EXO1: variants seen among roughly 807,000 people sequenced by gnomAD.
The protein encoded by EXO1 is exonuclease 1.
A neutral mutation model predicts 84.5 loss-of-function variants in EXO1; 69 were observed. The observed-to-expected ratio is 0.82, with a 90% CI of 0.67 to 1.00. The LOEUF is 1.00. EXO1 is among the 50% of genes least tolerant of loss of function. The pLI, the probability that EXO1 is intolerant of heterozygous loss-of-function variation, is 0.00. For missense variants in EXO1, 1,045 were observed against 1,000.7 expected, an observed-to-expected ratio of 1.04 and a Z score of -0.60; for synonymous variants, 373 against 366.1, an observed-to-expected ratio of 1.02 and a Z score of -0.21.
chr1:241,863,562 TGA>T (rs1661523640), intron 10 of EXO1, among the ~76,000 whole-genome samples: 1 of 151,772 alleles, frequency 6.6e-6, no homozygotes, highest in African/African-American at 2.4e-5. Flanking sequence ...CTGGAAAAGA[TGA>T]CCACTAACAA....
chr1:241,886,834 G>A (rs897864637), intron 15 of EXO1, among the ~76,000 whole-genome samples: 2 of 151,680 alleles, frequency 1.3e-5, no homozygotes, highest in South Asian at 2.1e-4. Flanking sequence ...AAGAAAAGTG[G>A]CATGGCTTTA....
intron 12 of EXO1, among the ~76,000 whole-genome samples, chr1:241,874,369 G>T (rs1200830438): frequency 6.6e-6 from 1 of 152,126 alleles, no homozygotes; most frequent in African/African-American, 2.4e-5. Context: ...GTCCAGCCAG[G>T]GTGAGACAGT....
At chr1:241,852,479 A>G in intron 5 of EXO1, 68 bp downstream of exon 5, 1 of 1,446,856 alleles carries the variant, frequency 6.9e-7, no homozygotes, top group Non-Finnish European at 9.6e-7. Flanking sequence ...TCTATATGAT[A>G]CCAATTTTTA....
At chr1:241,850,345 A>G (rs1660591420) in intron 3 of EXO1, 64 bp from the exon 4 acceptor site, 1 of 1,121,834 alleles carries the variant, frequency 8.9e-7, no homozygotes, top group Admixed American at 1.7e-5. Context: ...CATTTGTCTA[A>G]GATGTTTTAA....
At chr1:241,882,770 AAT>A (rs1452165172) in intron 14 of EXO1, among the ~76,000 whole-genome samples, 13 of 152,134 alleles carry the variant, frequency 8.5e-5, no homozygotes, top group Admixed American at 5.9e-4. Flanking sequence ...AAAATAATAA[AAT>A]AGTTTCTTGC....
In EXO1 at chr1:241,850,541, C is replaced by T; in HGVS notation, c.116C>T (p.Ala39Val). The T allele has an allele frequency of 6.2e-7, 1 of 1,613,980 alleles. No homozygotes were observed. Among genetic ancestry groups the T allele is most frequent in the Non-Finnish European group, 8.5e-7 (1 of 1,179,910 alleles). Residue 39 changes from alanine to valine, a missense_variant, in exon 4 of 16, where the codon GCT becomes GTT. Coordinates refer to ENST00000366548, the MANE Select transcript of EXO1 (RefSeq NM_130398.4). The part of the protein sequence containing the change: ...VDTYCWLHKG[A>V]IACAEKLAKG... ...ACATATTGCTGGCTTCACAAAGGAGCTATTGCTTGTGCTGAAAAACTAGCC... is the reference window on the plus strand; with the variant it reads ...ACATATTGCTGGCTTCACAAAGGAGTTATTGCTTGTGCTGAAAAACTAGCC...
chr1:241,872,662 T>C (rs1662183155), intron 12 of EXO1, among the ~76,000 whole-genome samples: 1 of 152,196 alleles, frequency 6.6e-6, no homozygotes, highest in African/African-American at 2.4e-5. Flanking sequence ...GCCTCATCCA[T>C]GTCCCTGCAA....
intron 14 of EXO1, among the ~76,000 whole-genome samples, chr1:241,884,677 G>A (rs1662951362): frequency 6.7e-6 from 1 of 149,158 alleles, no homozygotes. Flanking sequence ...GTGTGTGTGT[G>A]CACGTGCACG....
intron 10 of EXO1, among the ~76,000 whole-genome samples, chr1:241,864,741 C>T (rs1661609380): frequency 6.6e-6 from 1 of 152,174 alleles, no homozygotes; most frequent in African/African-American, 2.4e-5. Context: ...TTAGAAGTCA[C>T]AGATTATCTC....
intron 6 of EXO1, among the ~76,000 whole-genome samples, chr1:241,856,910 G>A (rs1661080410): frequency 6.6e-6 from 1 of 152,166 alleles, no homozygotes; most frequent in South Asian, 2.1e-4. Flanking sequence ...GCATGCACCT[G>A]TAGTCCCACC....
At chr1:241,866,131 A>C (rs1661708391) in intron 10 of EXO1, among the ~76,000 whole-genome samples, 1 of 152,166 alleles carries the variant, frequency 6.6e-6, no homozygotes, top group Non-Finnish European at 1.5e-5. Flanking sequence ...TTAGCATTAA[A>C]AGTGATTGCT....
At chr1:241,858,798 A>G in intron 8 of EXO1, 80 bp downstream of exon 8, 1 of 955,170 alleles carries the variant, frequency 1.0e-6, no homozygotes, top group South Asian at 1.4e-5. Flanking sequence ...TATGGATTTA[A>G]ATATTCTGTT....
chr1:241,850,836 CTTTTTTTTT>C (rs10641736), intron 4 of EXO1, among the ~76,000 whole-genome samples: 4 of 105,088 alleles, frequency 3.8e-5, no homozygotes, highest in Non-Finnish European at 7.2e-5. Context: ...CTCCTTTATT[CTTTTTTTTT>C]TTTTTTTTTT....
chr1:241,885,400 G>A lies in EXO1; in HGVS notation c.2298G>A (p.Leu766=). The A allele has an allele frequency of 6.2e-7, 1 of 1,613,872 alleles. No individual in the cohort carries two copies. Among genetic ancestry groups the A allele is most frequent in the East Asian group, 2.2e-5 (1 of 44,858 alleles). ...TAGGACCTGCCAGAGCCAGTGGGCT[G>A]AGCAAGAAGCCGGCAAGCATCCAGA... The part of the protein sequence containing the change: ...KPLGPARASG[L]SKKPASIQKR... The change falls in exon 15 of 16, where the codon CTG becomes CTA. Residue 766 remains leucine (L), a synonymous_variant. Coordinates refer to ENST00000366548, the MANE Select transcript of EXO1 (RefSeq NM_130398.4).
intron 12 of EXO1, among the ~76,000 whole-genome samples, chr1:241,875,792 C>T (rs1336004655): frequency 1.3e-5 from 2 of 152,180 alleles, no homozygotes; most frequent in African/African-American, 4.8e-5. Flanking sequence ...GCAGGAGAAT[C>T]GCTTGAACCC....
At chr1:241,872,526 C>G in intron 12 of EXO1, among the ~76,000 whole-genome samples, 1 of 152,044 alleles carries the variant, frequency 6.6e-6, no homozygotes, top group Non-Finnish European at 1.5e-5. Context: ...TGCCACAGGC[C>G]GGGGTGTGTG....
chr1:241,885,681 T>G, intron 15 of EXO1, 174 bp downstream of exon 15: 2 of 623,174 alleles, frequency 3.2e-6, no homozygotes, highest in East Asian at 3.1e-5. Context: ...TCAATTTCTA[T>G]ACCTTCTTTT....
At position 241,873,696 on chromosome 1, in the gene EXO1, A is replaced by G. The variant is rs191784594; in HGVS notation, c.1514+1418A>G. 7.9e-4 allele frequency among the ~76,000 whole-genome samples: 121 copies of G among 152,352 alleles called. 1 individual carries two copies. Among genetic ancestry groups the G allele is most frequent in the Middle Eastern group, 3.4e-3 (1 of 294 alleles). ...GTAGTCCAGTTGGAAAAATAAATACATAAAAATCTTTCCATACAGTATGGT... is the reference window on the plus strand; with the variant it reads ...GTAGTCCAGTTGGAAAAATAAATACGTAAAAATCTTTCCATACAGTATGGT... On this transcript the variant is annotated intron_variant, in intron 12 of 15. Coordinates refer to ENST00000366548, the MANE Select transcript of EXO1 (RefSeq NM_130398.4).
Position 241,881,921 on chromosome 1 carries a change from T to A in EXO1, c.2115T>A (p.Ser705=), listed in dbSNP as rs1662777458. 2.6e-6 allele frequency: 4 copies of A among 1,511,876 alleles called. No individual in the cohort carries two copies. The highest frequency in any genetic ancestry group is 1.4e-5 in the African/African-American group (1 of 72,948). 93.7% of individuals were successfully genotyped at this position (1,511,876 alleles called of 1,614,324 possible). Residue 705 remains serine (S), a synonymous_variant, in exon 14 of 16, where the codon TCT becomes TCA. Transcript: ENST00000366548. ...CSSKDSDSEE[S]DCNIKLLDSQ... The stretch of plus-strand genomic sequence containing the variant: ...TTTTGATCTGGGGACTCTAGGAATC[T>A]GATTGCAATATTAAGTTACTTGACA...
Sources: gnomAD v4.1 joint callset for allele counts (sites outside exome capture counted in the v4.1 genomes callset) on GRCh38, gnomAD v4.1.1 for gene constraint, MANE v1.5 for transcripts, NCBI Gene and HGNC (gene_info 2026-07-23, HGNC 2026-07-21) for gene names.